The following CEP135 variants were observed in gnomAD, a reference collection of about 807,000 sequenced individuals.
The protein encoded by CEP135 is centrosomal protein 135.
A neutral mutation model predicts 157.3 loss-of-function variants in CEP135; 142 were observed. The observed-to-expected ratio is 0.90, with a 90% CI of 0.79 to 1.04. CEP135 has a LOEUF of 1.04. Ranked by LOEUF, CEP135 falls within the 50% of genes least tolerant of loss-of-function variation. The pLI, the probability that CEP135 is intolerant of heterozygous loss-of-function variation, is 0.00. For synonymous variants in CEP135, 396 were observed against 439.8 expected (o/e 0.90, Z 1.25); for missense variants, 1,317 against 1,309.2 (o/e 1.01, Z -0.09).
intron 25 of CEP135, among the ~76,000 whole-genome samples, chr4:56,030,745 G>A (rs1348079281): frequency 6.6e-6 from 1 of 152,100 alleles, no homozygotes; most frequent in Non-Finnish European, 1.5e-5. Flanking sequence ...ATGAGCCACT[G>A]CACCCAGCCT....
chr4:55,969,608 A>T (rs1048314120), intron 9 of CEP135, among the ~76,000 whole-genome samples: 1 of 152,160 alleles, frequency 6.6e-6, no homozygotes, highest in African/African-American at 2.4e-5. Flanking sequence ...TACAAGGTTC[A>T]TGCATGTGGT....
intron 25 of CEP135, among the ~76,000 whole-genome samples, chr4:56,025,512 G>A (rs1731129370): frequency 6.6e-6 from 1 of 152,160 alleles, no homozygotes; most frequent in South Asian, 2.1e-4. Context: ...GGAAGGTAGA[G>A]TGGGATATAT....
chr4:56,014,845 G>A (rs909524348), intron 21 of CEP135, among the ~76,000 whole-genome samples: 2 of 152,162 alleles, frequency 1.3e-5, no homozygotes, highest in East Asian at 1.9e-4. Context: ...AAAAAACTAC[G>A]CTCAGGAGTT....
intron 4 of CEP135, among the ~76,000 whole-genome samples, chr4:55,955,480 G>A (rs529853976): frequency 1.3e-5 from 2 of 152,242 alleles, no homozygotes; most frequent in South Asian, 4.2e-4. Flanking sequence ...AGACTCAGTG[G>A]AGCGTGAGAT....
At chr4:55,976,047 C>T (rs896820119) in intron 11 of CEP135, among the ~76,000 whole-genome samples, 6 of 151,970 alleles carry the variant, frequency 3.9e-5, no homozygotes, top group South Asian at 4.1e-4. Context: ...GCCAGGAGTT[C>T]GAGACCAGTC....
chr4:55,970,452 A>G (rs1475643892), intron 9 of CEP135, among the ~76,000 whole-genome samples: 3 of 152,214 alleles, frequency 2.0e-5, no homozygotes, highest in East Asian at 3.8e-4. Flanking sequence ...GGTAAATACT[A>G]ATTTCCAAGT....
At position 55,999,540 on chromosome 4, in the gene CEP135, G is replaced by A. The variant is rs1464056864; in HGVS notation, c.2175G>A (p.Met725Ile). The stretch of plus-strand genomic sequence containing the variant: ...CACAGGATGAGGAGGCTCATGTAAT[G>A]AAAAAGACCATTGGTGTTATTGATA... ...MTSQDEEAHV[M>I]KKTIGVIDKE... is the part of the protein sequence containing the mutation. The change falls in exon 17 of 26, where the codon ATG (methionine) becomes ATA (isoleucine). Residue 725 changes from methionine (M) to isoleucine (I), a missense_variant. Transcript: ENST00000257287. 2.5e-6 allele frequency: 4 copies of A among 1,610,802 alleles called. No homozygotes were observed. The highest frequency in any genetic ancestry group is 3.4e-6 in the Non-Finnish European group (4 of 1,179,380).
At chr4:55,997,088 A>G (rs981314989) in intron 15 of CEP135, among the ~76,000 whole-genome samples, 1 of 152,150 alleles carries the variant, frequency 6.6e-6, no homozygotes, top group African/African-American at 2.4e-5. Context: ...AAACTGGTTC[A>G]TTTTTCCTAA....
At chr4:56,007,758 G>T (rs574778563) in intron 17 of CEP135, among the ~76,000 whole-genome samples, 1 of 152,076 alleles carries the variant, frequency 6.6e-6, no homozygotes. Context: ...GAGAGAAGGG[G>T]CATCACAGGT....
Position 55,970,018 on chromosome 4 carries a change from C to G in CEP135, c.1110+890C>G, listed in dbSNP as rs1011766930. ...CCTTCTGTGTGGTTAAGACTGCAGG[C>G]ATGTGCCACCGTGCCTAGCTTTTTT... On this transcript the variant is annotated intron_variant, in intron 9 of 25. Coordinates refer to ENST00000257287, the MANE Select transcript of CEP135 (RefSeq NM_025009.5). 3.3e-5 allele frequency among the ~76,000 whole-genome samples: 5 copies of G among 149,650 alleles called. No individual in the cohort carries two copies. In the East Asian group the frequency reaches 9.8e-4, roughly 29 times the overall value.
chr4:55,998,266 T>C (rs1730044936), intron 15 of CEP135, among the ~76,000 whole-genome samples: 1 of 152,204 alleles, frequency 6.6e-6, no homozygotes, highest in African/African-American at 2.4e-5. Context: ...CCATGTCTTT[T>C]CAGCAAGGCA....
At chr4:55,950,741 A>G (rs563177256) in intron 1 of CEP135, among the ~76,000 whole-genome samples, 1 of 152,084 alleles carries the variant, frequency 6.6e-6, no homozygotes, top group South Asian at 2.1e-4. Context: ...AAACTTGAAC[A>G]GAGGTACTTA....
chr4:55,979,996 A>T, intron 11 of CEP135, 147 bp from the exon 12 acceptor site: 1 of 679,350 alleles, frequency 1.5e-6, no homozygotes, highest in Non-Finnish European at 2.5e-6. Flanking sequence ...TGCTCTCATC[A>T]TAGATTTTTA....
chr4:56,024,410 C>G, intron 24 of CEP135, 91 bp from the exon 25 acceptor site: 1 of 817,600 alleles, frequency 1.2e-6, no homozygotes, highest in Admixed American at 2.1e-5. Flanking sequence ...TAATTTATTA[C>G]AAATTAGCTA....
chr4:55,986,247 A>T (rs1256654252), intron 14 of CEP135, among the ~76,000 whole-genome samples: 1 of 152,212 alleles, frequency 6.6e-6, no homozygotes, highest in Non-Finnish European at 1.5e-5. Flanking sequence ...TTATAAAAAA[A>T]TCATATAGGC....
intron 15 of CEP135, among the ~76,000 whole-genome samples, chr4:55,995,106 C>G (rs1729926018): frequency 6.6e-6 from 1 of 152,168 alleles, no homozygotes; most frequent in African/African-American, 2.4e-5. Flanking sequence ...TGTCATCTCC[C>G]TTTAATTACA....
chr4:55,949,401 C>T (rs1728283287), intron 1 of CEP135, among the ~76,000 whole-genome samples: 1 of 152,236 alleles, frequency 6.6e-6, no homozygotes, highest in Middle Eastern at 3.2e-3. Context: ...AATGCCTTCT[C>T]AGTGTAGCAG....
At position 55,992,045 on chromosome 4, in the gene CEP135, G is replaced by C; in HGVS notation, c.1969G>C (p.Gly657Arg). Reference protein sequence around the residue: ...VQAQKFSHVAGDSSHQKTEVN... With the variant: ...VQAQKFSHVARDSSHQKTEVN... The stretch of plus-strand genomic sequence containing the variant: ...AGCTCAAAAATTTAGCCATGTGGCT[G>C]GTGACTCATCTCATCAGAAAACAGA... The change falls in exon 15 of 26, where the codon GGT (glycine) becomes CGT (arginine). Residue 657 changes from glycine (G) to arginine (R), a missense_variant. By Grantham distance (125) the Gly-to-Arg change is moderately radical. Coordinates refer to ENST00000257287, the MANE Select transcript of CEP135 (RefSeq NM_025009.5). The C allele has an allele frequency of 6.2e-7, 1 of 1,607,376 alleles. No homozygotes were observed. Among genetic ancestry groups the C allele is most frequent in the Non-Finnish European group, 8.5e-7 (1 of 1,177,948 alleles).
In CEP135 at chr4:55,965,866, A is replaced by C. The variant is rs373705626; in HGVS notation, c.1044+7A>C. The C allele has an allele frequency of 8.1e-6, 13 of 1,602,606 alleles. No homozygotes were observed. In the African/African-American group the frequency reaches 1.1e-4, roughly 13 times the overall value. ...AGAGCTTGGGGAAGCAAAGGTAATG[A>C]ATGATATGTGTAGATTGTGAGAGTG... On this transcript the variant is annotated splice_region_variant and intron_variant, in intron 8 of 25. Transcript: ENST00000257287.
Sources: gnomAD v4.1 joint callset for allele counts (sites outside exome capture counted in the v4.1 genomes callset) on GRCh38, gnomAD v4.1.1 for gene constraint, MANE v1.5 for transcripts, NCBI Gene and HGNC (gene_info 2026-07-23, HGNC 2026-07-21) for gene names.